The following FNDC3A variants were observed in gnomAD, a reference collection of about 807,000 sequenced individuals.
FNDC3A encodes the protein fibronectin type-III domain-containing protein 3A.
A neutral mutation model predicts 148.9 loss-of-function variants in FNDC3A; 32 were observed. The observed-to-expected ratio is 0.21, with a 90% CI of 0.16 to 0.29. The LOEUF (loss-of-function observed/expected upper bound fraction) is 0.29. Among genes scored for constraint, FNDC3A ranks in the 10% least tolerant of loss-of-function variants. FNDC3A has a pLI of 1.00. For missense variants in FNDC3A, 1,191 were observed against 1,452.8 expected (o/e 0.82, Z 2.93); for synonymous variants, 472 against 473.6 (o/e 1.00, Z 0.04).
intron 2 of FNDC3A, among the ~76,000 whole-genome samples, chr13:49,038,586 CT>C (rs1422221248): frequency 6.6e-6 from 1 of 152,100 alleles, no homozygotes; most frequent in African/African-American, 2.4e-5. Flanking sequence ...TTCTGTGGTT[CT>C]TTTTTATGGC....
At chr13:49,052,379 T>C (rs1875904240) in intron 2 of FNDC3A, among the ~76,000 whole-genome samples, 1 of 152,170 alleles carries the variant, frequency 6.6e-6, no homozygotes, top group African/African-American at 2.4e-5. Context: ...GTCCTCCCTT[T>C]GATGTGGTAT....
At chr13:49,163,345 G>A (rs1004707663) in intron 8 of FNDC3A, among the ~76,000 whole-genome samples, 1 of 152,142 alleles carries the variant, frequency 6.6e-6, no homozygotes, top group Admixed American at 6.5e-5. Flanking sequence ...AATGGCGGAC[G>A]CTCCTCCCCC....
chr13:49,020,111 A>C (rs990278342), intron 2 of FNDC3A, among the ~76,000 whole-genome samples: 2 of 152,202 alleles, frequency 1.3e-5, no homozygotes, highest in African/African-American at 4.8e-5. Flanking sequence ...TTTTTAAATA[A>C]ATTTAATAAG....
chr13:49,110,214 C>G, intron 3 of FNDC3A: 1 of 506,954 alleles, frequency 2.0e-6, no homozygotes, highest in Non-Finnish European at 3.1e-6. Flanking sequence ...GCTTTTTTTT[C>G]CCCCTTGCCC....
chr13:49,188,878 A>G (rs1019065469), intron 17 of FNDC3A, among the ~76,000 whole-genome samples: 3 of 152,226 alleles, frequency 2.0e-5, no homozygotes, highest in African/African-American at 7.2e-5. Context: ...ACATGAAAAC[A>G]TTGGAGAAAA....
intron 14 of FNDC3A, among the ~76,000 whole-genome samples, chr13:49,180,967 A>G (rs1010053266): frequency 3.3e-5 from 5 of 152,160 alleles, no homozygotes; most frequent in East Asian, 3.9e-4. Flanking sequence ...AATAATCCCA[A>G]CACTTTCGGA....
chr13:49,004,372 C>T (rs1952182163), intron 1 of FNDC3A, among the ~76,000 whole-genome samples: 1 of 151,908 alleles, frequency 6.6e-6, no homozygotes, highest in African/African-American at 2.4e-5. Context: ...ATACAATAAA[C>T]CAATTTATAA....
intron 1 of FNDC3A, among the ~76,000 whole-genome samples, chr13:48,999,057 C>T (rs1045164960): frequency 5.3e-5 from 8 of 152,222 alleles, no homozygotes; most frequent in Admixed American, 1.3e-4. Flanking sequence ...AGGCTGCTTC[C>T]ACCTCAGCTT....
chr13:49,146,252 A>C (rs1350838459), intron 8 of FNDC3A: 5 of 213,964 alleles, frequency 2.3e-5, no homozygotes, highest in Non-Finnish European at 4.6e-5. Context: ...CCCATGACCA[A>C]AAATGGACAA....
intron 9 of FNDC3A, among the ~76,000 whole-genome samples, chr13:49,167,779 C>T (rs1593696867): frequency 6.7e-6 from 1 of 150,190 alleles, no homozygotes; most frequent in African/African-American, 2.4e-5. Context: ...AAAAAAAAAA[C>T]ATTTAACTCA....
chr13:49,089,440 A>T (rs1879044037), intron 3 of FNDC3A, among the ~76,000 whole-genome samples: 1 of 152,350 alleles, frequency 6.6e-6, no homozygotes, highest in East Asian at 1.9e-4. Flanking sequence ...CTTTTAAGAA[A>T]GAGAGATTGT....
intron 3 of FNDC3A, among the ~76,000 whole-genome samples, chr13:49,096,049 C>A (rs1487455055): frequency 6.6e-6 from 1 of 152,014 alleles, no homozygotes; most frequent in African/African-American, 2.4e-5. Flanking sequence ...TCTAAGTTTT[C>A]CTCTGTTATG....
rs71188348 is a variant in FNDC3A at position 49,143,978 on chromosome 13, TTACTACTAC to T, written c.820-1774_820-1766del. ...TGGGCAACATAGCAAGACCCCATCTTTACTACTACTACTACTACTACTACTACTACTACT... is the reference window on the plus strand; with the variant it reads ...TGGGCAACATAGCAAGACCCCATCTTTACTACTACTACTACTACTACTACT... On this transcript the variant is annotated intron_variant, in intron 7 of 25. Coordinates refer to ENST00000492622, the MANE Select transcript of FNDC3A (RefSeq NM_001079673.2). Among the ~76,000 whole-genome samples the T allele has an allele frequency of 2.7e-3, 374 of 138,932 alleles. 1 individual carries two copies. Among genetic ancestry groups the T allele is most frequent in the African/African-American group, 9.3e-3 (346 of 37,220 alleles). The allele number at this position is 138,932 out of a possible 152,430, so 91.1% of individuals were successfully genotyped here.
At chr13:49,145,555 A>G (rs755310666) in intron 7 of FNDC3A, among the ~76,000 whole-genome samples, 4 of 152,124 alleles carry the variant, frequency 2.6e-5, no homozygotes, top group Non-Finnish European at 5.9e-5. Context: ...TGTCTACGCT[A>G]ATAGTTTTGA....
chr13:49,041,787 G>C (rs1874949152), intron 2 of FNDC3A, among the ~76,000 whole-genome samples: 1 of 149,756 alleles, frequency 6.7e-6, no homozygotes, highest in Non-Finnish European at 1.5e-5. Flanking sequence ...CCCCAGCCTG[G>C]GCAACAACAA....
intron 2 of FNDC3A, among the ~76,000 whole-genome samples, chr13:49,017,738 C>A (rs146747332): frequency 0.98 from 149,623 of 152,124 alleles, 73,611 homozygotes; most frequent in South Asian, 1. Flanking sequence ...AGCAGCTGGT[C>A]CTGGTTGTTC....
In FNDC3A at chr13:49,064,459, G is replaced by A. The variant is rs193032931; in HGVS notation, c.100-10830G>A. Among the ~76,000 whole-genome samples the A allele has an allele frequency of 3.5e-3, 404 of 116,372 alleles. 1 individual carries two copies. Among genetic ancestry groups the A allele is most frequent in the Non-Finnish European group, 4.4e-3 (273 of 62,420 alleles). 76.3% of individuals were successfully genotyped at this position (116,372 alleles called of 152,430 possible). A position where few individuals can be genotyped will look rare whatever the true frequency, so the allele number is the denominator to read the frequency against. On this transcript the variant is annotated intron_variant, in intron 2 of 25. Transcript: ENST00000492622. The stretch of plus-strand genomic sequence containing the variant: ...TGTTCACCTAGCAAGCAACAAACAA[G>A]TGTCCACAAAAACACAGGTTTTGAC...
chr13:49,070,615 G>A (rs1877589131), intron 2 of FNDC3A, among the ~76,000 whole-genome samples: 1 of 152,102 alleles, frequency 6.6e-6, no homozygotes, highest in Admixed American at 6.6e-5. Context: ...TAATAAAGTA[G>A]TAACTGTTAA....
chr13:49,180,527 G>A (rs76868377), intron 14 of FNDC3A, among the ~76,000 whole-genome samples: 1 of 152,028 alleles, frequency 6.6e-6, no homozygotes, highest in Non-Finnish European at 1.5e-5. Context: ...TTCCAGTTTT[G>A]TGATGATATT....
Sources: gnomAD v4.1 joint callset for allele counts (sites outside exome capture counted in the v4.1 genomes callset) on GRCh38, gnomAD v4.1.1 for gene constraint, MANE v1.5 for transcripts, NCBI Gene and HGNC (gene_info 2026-07-23, HGNC 2026-07-21) for gene names.